Variants in SMAD6 observed in about 807,000 individuals in gnomAD.
SMAD6 encodes the protein SMAD family member 6, also known as MAD homolog 6.
Under a neutral mutation model 39.4 loss-of-function variants are expected in SMAD6, and 103 were observed. The observed-to-expected ratio is 2.62, with a 90% CI of 2.23 to 3.08. The LOEUF (loss-of-function observed/expected upper bound fraction) is 3.08, where lower values mean the gene tolerates loss of function less well. Ranked by LOEUF, SMAD6 falls within the 30% of genes most tolerant of loss-of-function variation. The pLI is 0.00. For missense variants in SMAD6, 1,104 were observed against 742.9 expected (o/e 1.49, Z -5.65); for synonymous variants, 445 against 353.3 (o/e 1.26, Z -2.91).
At chr15:66,722,730 T>C (rs1181114534) in intron 3 of SMAD6, among the ~76,000 whole-genome samples, 3 of 151,810 alleles carry the variant, frequency 2.0e-5, no homozygotes, top group Admixed American at 2.0e-4. Flanking sequence ...CTGAGTATCT[T>C]ACAGAAGGAC....
At chr15:66,746,260 C>T (rs1042540030) in intron 3 of SMAD6, among the ~76,000 whole-genome samples, 26 of 152,336 alleles carry the variant, frequency 1.7e-4, no homozygotes, top group Middle Eastern at 3.4e-3. Context: ...CTTTGTGAAG[C>T]GGGAGTTTTC....
chr15:66,714,834 G>A (rs1233199516), intron 2 of SMAD6, among the ~76,000 whole-genome samples: 1 of 152,186 alleles, frequency 6.6e-6, no homozygotes, highest in Non-Finnish European at 1.5e-5. Context: ...GAAACCGCTT[G>A]TCGTTTCCAC....
intron 3 of SMAD6, among the ~76,000 whole-genome samples, chr15:66,727,568 C>A (rs968789453): frequency 6.6e-6 from 1 of 152,118 alleles, no homozygotes; most frequent in Non-Finnish European, 1.5e-5. Context: ...GACACTTGTT[C>A]TGGGAATGGG....
In SMAD6 at chr15:66,744,443, G is replaced by A. The variant is rs1046747268; in HGVS notation, c.952+27945G>A. Among the ~76,000 whole-genome samples, 9 of 152,194 alleles carry A rather than the reference G, an allele frequency of 5.9e-5. No individual in the cohort carries two copies. In the East Asian group the frequency reaches 7.7e-4, roughly 13 times the overall value. ...CCTGGCAAACACCTGGAAGGCCACC[G>A]GATCCCAAGTCCAGGCTGAGGGTGG... On this transcript the variant is annotated intron_variant, in intron 3 of 3. Coordinates refer to ENST00000288840, the MANE Select transcript of SMAD6 (RefSeq NM_005585.5).
chr15:66,775,544 G>T (rs1297161894), intron 3 of SMAD6, among the ~76,000 whole-genome samples: 4 of 152,014 alleles, frequency 2.6e-5, no homozygotes, highest in Non-Finnish European at 5.9e-5. Context: ...GCTGGATCAG[G>T]GCCAGGAGGC....
chr15:66,778,401 C>G (rs943158685), intron 3 of SMAD6, among the ~76,000 whole-genome samples: 21 of 152,186 alleles, frequency 1.4e-4, no homozygotes, highest in African/African-American at 4.6e-4. Flanking sequence ...TCCCCTGCCC[C>G]CTGTGCCCCT....
At chr15:66,742,046 G>A (rs998665924) in intron 3 of SMAD6, among the ~76,000 whole-genome samples, 13 of 152,222 alleles carry the variant, frequency 8.5e-5, no homozygotes, top group Non-Finnish European at 1.9e-4. Flanking sequence ...GGGCAGCGGA[G>A]GTCTTGCTGC....
At position 66,703,759 on chromosome 15, in the gene SMAD6, G is replaced by A. The variant is rs919398600; in HGVS notation, c.501G>A (p.Leu167=). The change falls in exon 1 of 4, where the codon CTG becomes CTA. Residue 167 remains leucine (L), a synonymous_variant. Coordinates refer to ENST00000288840, the MANE Select transcript of SMAD6 (RefSeq NM_005585.5). ...RSREARSRLL[L]LEQELKTVTY... The stretch of plus-strand genomic sequence containing the variant: ...GCGAAGCGCGCTCGCGGCTGCTGCT[G>A]CTGGAGCAGGAACTCAAAACCGTCA... 5.0e-6 allele frequency: 7 copies of A among 1,409,582 alleles called. No homozygotes were observed. The African/African-American group carries it at 1.0e-4, about 21-fold the overall frequency. 87.3% of individuals were successfully genotyped at this position (1,409,582 alleles called of 1,614,324 possible).
chr15:66,778,187 C>T (rs1894499584), intron 3 of SMAD6, among the ~76,000 whole-genome samples: 1 of 151,648 alleles, frequency 6.6e-6, no homozygotes, highest in Non-Finnish European at 1.5e-5. Context: ...CTCAAGCAAT[C>T]CTCCTGTCTC....
intron 2 of SMAD6, 142 bp downstream of exon 2, chr15:66,711,866 G>C (rs541854670): frequency 1.5e-6 from 1 of 686,642 alleles, no homozygotes; most frequent in South Asian, 1.7e-5. Context: ...CTGTGAAATG[G>C]GGTGAAGTTG....
At position 66,703,147 on chromosome 15, in the gene SMAD6, G is replaced by C; in HGVS notation, c.-112G>C. The stretch of plus-strand genomic sequence containing the variant: ...GTGCGCGGTCTGCACGGCGCTCCGC[G>C]GCGGAGCTTCATGTGGGGCTGCGAC... On this transcript the variant is annotated 5_prime_UTR_variant, in exon 1 of 4. Coordinates refer to ENST00000288840, the MANE Select transcript of SMAD6 (RefSeq NM_005585.5). The C allele has an allele frequency of 2.6e-6, 2 of 762,990 alleles. No individual in the cohort carries two copies. The highest frequency in any genetic ancestry group is 1.9e-6 in the Non-Finnish European group (1 of 532,592). The allele number at this position is 762,990 out of a possible 1,614,324, so 47.3% of individuals were successfully genotyped here. A position where few individuals can be genotyped will look rare whatever the true frequency, so the allele number is the denominator to read the frequency against.
intron 3 of SMAD6, among the ~76,000 whole-genome samples, chr15:66,723,610 T>C (rs1383221496): frequency 6.6e-6 from 1 of 152,158 alleles, no homozygotes; most frequent in Non-Finnish European, 1.5e-5. Flanking sequence ...TTGGAGGCTA[T>C]AGTGAGCTGT....
At position 66,763,289 on chromosome 15, in the gene SMAD6, C is replaced by A. The variant is rs115519458; in HGVS notation, c.953-17708C>A. Among the ~76,000 whole-genome samples the A allele has an allele frequency of 8.0e-3, 1,215 of 152,302 alleles. 16 individuals are homozygous for A. Among genetic ancestry groups the A allele is most frequent in the African/African-American group, 0.028 (1,164 of 41,554 alleles). On this transcript the variant is annotated intron_variant, in intron 3 of 3. Coordinates refer to ENST00000288840, the MANE Select transcript of SMAD6 (RefSeq NM_005585.5). ...CTCAGGCTGGTGGGCTGCAGGGTAG[C>A]GCCAGGACAGGGGCACCCTGGGGAG...
intron 3 of SMAD6, among the ~76,000 whole-genome samples, chr15:66,774,075 C>T (rs887841468): frequency 6.6e-6 from 1 of 152,164 alleles, no homozygotes; most frequent in Non-Finnish European, 1.5e-5. Context: ...GAGCCTCCCA[C>T]GAATGCCCTG....
chr15:66,746,079 G>A (rs1314522158), intron 3 of SMAD6, among the ~76,000 whole-genome samples: 1 of 152,236 alleles, frequency 6.6e-6, no homozygotes, highest in African/African-American at 2.4e-5. Context: ...AGGGTGCTGG[G>A]GTTGGGGGAG....
chr15:66,726,556 A>G (rs1362959030), intron 3 of SMAD6, among the ~76,000 whole-genome samples: 1 of 152,118 alleles, frequency 6.6e-6, no homozygotes, highest in Non-Finnish European at 1.5e-5. Flanking sequence ...GTCTCCTGCT[A>G]CCTGGCTGCC....
chr15:66,731,330 T>G (rs968768156), intron 3 of SMAD6, among the ~76,000 whole-genome samples: 1 of 148,586 alleles, frequency 6.7e-6, no homozygotes, highest in Non-Finnish European at 1.5e-5. Context: ...CCCAGCTACT[T>G]GGGAGGCTGA....
chr15:66,753,225 C>T lies in SMAD6; in HGVS notation c.953-27772C>T, dbSNP rs559507416. 7.2e-5 allele frequency among the ~76,000 whole-genome samples: 11 copies of T among 152,152 alleles called. No individual in the cohort carries two copies. In the South Asian group the frequency reaches 1.0e-3, roughly 14 times the overall value. ...GAGGCCTGATGAGACCCTCCCAGTA[C>T]TTTTAGGATCTGGGATGTGGGAAAG... On this transcript the variant is annotated intron_variant, in intron 3 of 3. Transcript: ENST00000288840.
intron 3 of SMAD6, among the ~76,000 whole-genome samples, chr15:66,743,949 C>CT (rs58635725): frequency 0.03 from 4,436 of 147,594 alleles, 190 homozygotes; most frequent in African/African-American, 0.1. Flanking sequence ...GTTGCAGTGA[C>CT]TTTTTTTTTT....
Sources: allele counts gnomAD v4.1 joint callset (sites outside exome capture counted in the v4.1 genomes callset), GRCh38; gene constraint gnomAD v4.1.1; transcripts MANE v1.5; gene names NCBI Gene and HGNC (gene_info 2026-07-23, HGNC 2026-07-21).